SMYD3: variants seen among roughly 807,000 people sequenced by gnomAD.
The protein encoded by SMYD3 is histone-lysine N-methyltransferase SMYD3.
In SMYD3, 36 loss-of-function variants were observed where a neutral mutation model predicts 57.7. That is an observed-to-expected ratio of 0.62 (90% CI 0.48 to 0.82). The LOEUF is 0.82. SMYD3 is among the 40% of genes least tolerant of loss of function. SMYD3 has a pLI of 0.00. For synonymous variants in SMYD3, 211 were observed against 195.0 expected (o/e 1.08, Z -0.68); for missense variants, 515 against 538.8 (o/e 0.96, Z 0.44).
intron 1 of SMYD3, among the ~76,000 whole-genome samples, chr1:246,467,022 T>C (rs1249391591): frequency 1.3e-5 from 2 of 150,694 alleles, no homozygotes; most frequent in African/African-American, 4.9e-5. Flanking sequence ...ACAAAAAAAT[T>C]AGCCGGGAAT....
chr1:246,049,199 A>G (rs1338404450), intron 5 of SMYD3, among the ~76,000 whole-genome samples: 1 of 152,174 alleles, frequency 6.6e-6, no homozygotes, highest in Non-Finnish European at 1.5e-5. Flanking sequence ...CTGACAATAA[A>G]CGACTCTGTG....
chr1:246,495,786 C>A (rs987138075), intron 1 of SMYD3, among the ~76,000 whole-genome samples: 86 of 150,520 alleles, frequency 5.7e-4, no homozygotes, highest in Admixed American at 2.0e-3. Flanking sequence ...CCAAAAATAC[C>A]AAATAAAAAA....
At chr1:246,095,454 T>G (rs1477706065) in intron 5 of SMYD3, among the ~76,000 whole-genome samples, 1 of 152,138 alleles carries the variant, frequency 6.6e-6, no homozygotes, top group African/African-American at 2.4e-5. Context: ...AACGATAAGG[T>G]GCAGACAAGC....
intron 5 of SMYD3, among the ~76,000 whole-genome samples, chr1:246,301,241 C>T (rs1483354367): frequency 6.6e-6 from 1 of 151,990 alleles, no homozygotes; most frequent in Non-Finnish European, 1.5e-5. Context: ...GAAACTAGTC[C>T]CCAGGACACT....
intron 10 of SMYD3, among the ~76,000 whole-genome samples, chr1:245,778,377 C>T (rs1007118767): frequency 1.3e-5 from 2 of 152,000 alleles, no homozygotes; most frequent in Admixed American, 6.6e-5. Flanking sequence ...CAAATGTAGC[C>T]AATTATTTTT....
rs1014397535 is a variant in SMYD3 at position 246,014,885 on chromosome 1, G to A, written c.532-84948C>T. Among the ~76,000 whole-genome samples the A allele has an allele frequency of 1.8e-4, 27 of 151,858 alleles. 1 individual carries two copies. The highest frequency in any genetic ancestry group is 5.8e-4 in the African/African-American group (24 of 41,316). On this transcript the variant is annotated intron_variant, in intron 5 of 11. Transcript: ENST00000490107. The stretch of plus-strand genomic sequence containing the variant: ...CTTGTTCATTGGAGTTCCCTTATCT[G>A]CCCAAACTCCCAGACCTGCCAAAGA...
chr1:246,251,143 C>G (rs915681019), intron 5 of SMYD3, among the ~76,000 whole-genome samples: 2 of 152,148 alleles, frequency 1.3e-5, no homozygotes, highest in Non-Finnish European at 2.9e-5. Flanking sequence ...ACAGAACCAA[C>G]ATTGATTTGA....
At chr1:246,438,868 G>T (rs2067421438) in intron 1 of SMYD3, among the ~76,000 whole-genome samples, 1 of 151,334 alleles carries the variant, frequency 6.6e-6, no homozygotes, top group African/African-American at 2.4e-5. Context: ...TTCACAATAG[G>T]GTTCACGCTC....
chr1:245,867,666 G>GCACACACACACA lies in SMYD3; in HGVS notation c.814-3781_814-3780insTGTGTGTGTGTG, dbSNP rs66978528. The stretch of plus-strand genomic sequence containing the variant: ...TGCATGCGCGTGCGTGTGCGTGCGC[G>GCACACACACACA]CGCACACACACACACACACACACTC... On this transcript the variant is annotated intron_variant, in intron 8 of 11. Coordinates refer to ENST00000490107, the MANE Select transcript of SMYD3 (RefSeq NM_001167740.2). 2.7e-4 allele frequency among the ~76,000 whole-genome samples: 38 copies of GCACACACACACA among 139,824 alleles called. No individual in the cohort carries two copies. In the East Asian group the frequency reaches 6.4e-3, roughly 24 times the overall value. The allele number at this position is 139,824 out of a possible 152,430, so 91.7% of individuals were successfully genotyped here.
At chr1:246,352,136 C>CAAAAAAAAAAAAAAA (rs10581690) in intron 2 of SMYD3, among the ~76,000 whole-genome samples, 2 of 60,476 alleles carry the variant, frequency 3.3e-5, no homozygotes, top group Non-Finnish European at 3.0e-5. Flanking sequence ...GACTCTGTCT[C>CAAAAAAAAAAAAAAA]AAAAAAAAAA....
intron 10 of SMYD3, among the ~76,000 whole-genome samples, chr1:245,840,529 A>G (rs1037734497): frequency 6.6e-6 from 1 of 152,182 alleles, no homozygotes; most frequent in African/African-American, 2.4e-5. Flanking sequence ...AAATTTCAAT[A>G]TAGTGTTTGA....
At chr1:246,159,430 G>A (rs550737646) in intron 5 of SMYD3, among the ~76,000 whole-genome samples, 4 of 152,216 alleles carry the variant, frequency 2.6e-5, no homozygotes, top group South Asian at 4.2e-4. Flanking sequence ...CTTCCTATCC[G>A]CAAATAGTAC....
At chr1:245,977,552 G>A (rs985510026) in intron 5 of SMYD3, among the ~76,000 whole-genome samples, 3 of 152,116 alleles carry the variant, frequency 2.0e-5, no homozygotes, top group African/African-American at 7.2e-5. Context: ...GGTGGTGCAT[G>A]CCTGTAATCC....
intron 5 of SMYD3, among the ~76,000 whole-genome samples, chr1:245,945,139 G>T (rs868768004): frequency 9.2e-5 from 14 of 152,070 alleles, no homozygotes; most frequent in Admixed American, 2.6e-4. Flanking sequence ...TGGACACATG[G>T]GATCTAATTA....
At chr1:245,839,384 T>A (rs931836553) in intron 10 of SMYD3, among the ~76,000 whole-genome samples, 6 of 152,150 alleles carry the variant, frequency 3.9e-5, no homozygotes, top group African/African-American at 1.4e-4. Flanking sequence ...TTAGCCAGGA[T>A]GGTCTCGATC....
chr1:245,847,649 G>A (rs1240554666), intron 10 of SMYD3, among the ~76,000 whole-genome samples: 3 of 152,094 alleles, frequency 2.0e-5, no homozygotes, highest in Admixed American at 1.3e-4. Context: ...GTAGCTGCAC[G>A]GAAGCCAAAC....
intron 5 of SMYD3, among the ~76,000 whole-genome samples, chr1:246,071,847 T>C (rs1274523456): frequency 2.8e-5 from 4 of 144,042 alleles, no homozygotes; most frequent in Admixed American, 1.4e-4. Flanking sequence ...CTGTTAGTTC[T>C]GGGGAGGGAT....
chr1:246,023,488 A>G (rs912172910), intron 5 of SMYD3, among the ~76,000 whole-genome samples: 1 of 152,226 alleles, frequency 6.6e-6, no homozygotes, highest in Non-Finnish European at 1.5e-5. Context: ...TTCAGTAGAA[A>G]AGAGTTGTTC....
At chr1:245,916,938 G>A (rs1199373962) in intron 7 of SMYD3, among the ~76,000 whole-genome samples, 2 of 151,706 alleles carry the variant, frequency 1.3e-5, no homozygotes, top group Non-Finnish European at 1.5e-5. Flanking sequence ...AGTCCATGAC[G>A]ACATGAGTCA....
Sources: allele counts gnomAD v4.1 joint callset (sites outside exome capture counted in the v4.1 genomes callset), GRCh38; gene constraint gnomAD v4.1.1; transcripts MANE v1.5; gene names NCBI Gene and HGNC (gene_info 2026-07-23, HGNC 2026-07-21).